RTTN: variants seen among roughly 807,000 people sequenced by gnomAD.
RTTN encodes rotatin.
RTTN carries 182 observed loss-of-function variants against 269.2 expected under a neutral mutation model. The ratio of observed to expected loss-of-function variants is 0.68; its 90% CI spans 0.60 to 0.76. The LOEUF is 0.76. Ranked by LOEUF, RTTN falls within the 30% of genes least tolerant of loss-of-function variation. The probability of loss-of-function intolerance (pLI) is 0.00; values close to 1 mark genes in which losing one functional copy is unlikely to be tolerated. For missense variants in RTTN, 2,545 were observed against 2,608.6 expected, an observed-to-expected ratio of 0.98 and a Z score of 0.53; for synonymous variants, 1,006 against 963.5, an observed-to-expected ratio of 1.04 and a Z score of -0.82.
intron 26 of RTTN, among the ~76,000 whole-genome samples, chr18:70,120,210 C>A (rs2059700570): frequency 1.6e-5 from 1 of 63,556 alleles, no homozygotes; most frequent in East Asian, 1.1e-3. Flanking sequence ...TACCCTGCAT[C>A]ACCTCGGGAC....
At chr18:70,023,019 C>G (rs1302135849) in intron 44 of RTTN, among the ~76,000 whole-genome samples, 2 of 152,136 alleles carry the variant, frequency 1.3e-5, no homozygotes, top group African/African-American at 4.8e-5. Context: ...TGCCTCTGTA[C>G]CAGGGTTGGT....
chr18:70,128,139 G>A, intron 24 of RTTN: 1 of 495,988 alleles, frequency 2.0e-6, no homozygotes. Context: ...ACAGTACAGA[G>A]TAAAATGCTT....
chr18:70,014,658 C>A (rs1346183785), intron 46 of RTTN, among the ~76,000 whole-genome samples: 1 of 152,118 alleles, frequency 6.6e-6, no homozygotes, highest in Non-Finnish European at 1.5e-5. Context: ...CTGTAGTACC[C>A]ATTCTCACAT....
chr18:70,153,590 C>T (rs1463196943), intron 14 of RTTN, among the ~76,000 whole-genome samples: 1 of 152,154 alleles, frequency 6.6e-6, no homozygotes, highest in Non-Finnish European at 1.5e-5. Flanking sequence ...AAAAAGCTAA[C>T]TTGCCTCTTC....
intron 40 of RTTN, among the ~76,000 whole-genome samples, chr18:70,035,128 G>T (rs2057132300): frequency 6.6e-6 from 1 of 152,124 alleles, no homozygotes; most frequent in South Asian, 2.1e-4. Context: ...TTGCTAAAAT[G>T]GCCATACTGC....
At chr18:70,107,572 T>C (rs2059353708) in intron 28 of RTTN, among the ~76,000 whole-genome samples, 1 of 152,156 alleles carries the variant, frequency 6.6e-6, no homozygotes, top group South Asian at 2.1e-4. Flanking sequence ...GGATTAGAGC[T>C]AAAAACACAC....
chr18:70,054,771 A>T (rs1291976448), intron 37 of RTTN, among the ~76,000 whole-genome samples: 1 of 152,178 alleles, frequency 6.6e-6, no homozygotes, highest in East Asian at 1.9e-4. Flanking sequence ...GTGAGCTGTG[A>T]TCACACCACT....
At chr18:70,202,262 C>CA (rs1415073793) in intron 3 of RTTN, among the ~76,000 whole-genome samples, 2 of 152,186 alleles carry the variant, frequency 1.3e-5, no homozygotes, top group East Asian at 3.8e-4. Flanking sequence ...ACAAAGTATT[C>CA]AAGGACTATC....
chr18:70,074,174 T>A (rs2058369670), intron 33 of RTTN, among the ~76,000 whole-genome samples, 180 bp from the exon 34 acceptor site: 1 of 151,998 alleles, frequency 6.6e-6, no homozygotes, highest in Non-Finnish European at 1.5e-5. Flanking sequence ...AGTTTTTTTT[T>A]AATGTGCATA....
chr18:70,040,913 A>G lies in RTTN; in HGVS notation c.5541+7058T>C, dbSNP rs140816052. 4.1e-3 allele frequency among the ~76,000 whole-genome samples: 622 copies of G among 152,284 alleles called. 5 individuals carry two copies. Among genetic ancestry groups the G allele is most frequent in the African/African-American group, 0.014 (589 of 41,556 alleles). On this transcript the variant is annotated intron_variant, in intron 40 of 48. Coordinates refer to ENST00000640769, the MANE Select transcript of RTTN (RefSeq NM_173630.4). ...AAAAAATTAAGAAGAAAATTGAAAA[A>G]TTTCTTGAAACAAATGATAATGGGG...
chr18:70,139,752 A>G (rs773870214), intron 20 of RTTN, 36 bp from the exon 21 acceptor site: 3 of 1,267,208 alleles, frequency 2.4e-6, no homozygotes, highest in East Asian at 4.6e-5. Flanking sequence ...TTTCATTTTC[A>G]CCAATTATCA....
intron 40 of RTTN, among the ~76,000 whole-genome samples, chr18:70,038,777 T>C (rs200171259): frequency 2.4e-4 from 37 of 152,300 alleles, no homozygotes; most frequent in East Asian, 2.3e-3. Flanking sequence ...ATATGTGAAC[T>C]TTCAAACAGA....
At chr18:70,203,975 T>G in intron 3 of RTTN, 111 bp downstream of exon 3, 1 of 794,964 alleles carries the variant, frequency 1.3e-6, no homozygotes, top group Non-Finnish European at 2.0e-6. Context: ...ACAAGAAAAA[T>G]AAGTTTGGGG....
At chr18:70,148,759 T>C in intron 17 of RTTN, 142 bp downstream of exon 17, 1 of 926,546 alleles carries the variant, frequency 1.1e-6, no homozygotes. Context: ...TCTGCTTAGT[T>C]TCACGCATTG....
chr18:70,110,801 G>A (rs967484186), intron 27 of RTTN, among the ~76,000 whole-genome samples: 17 of 152,220 alleles, frequency 1.1e-4, no homozygotes, highest in Non-Finnish European at 4.4e-5. Context: ...AGCAAACTAA[G>A]ATTCACTGGC....
chr18:70,047,131 C>G (rs1164962479), intron 40 of RTTN, among the ~76,000 whole-genome samples: 2 of 152,206 alleles, frequency 1.3e-5, no homozygotes, highest in African/African-American at 4.8e-5. Context: ...GGAATTATAA[C>G]AAACCAGCAC....
At chr18:70,174,660 T>C (rs1008100611) in intron 11 of RTTN, among the ~76,000 whole-genome samples, 4 of 151,540 alleles carry the variant, frequency 2.6e-5, no homozygotes, top group Middle Eastern at 6.8e-3. Flanking sequence ...CCCATTAAAA[T>C]TTATGAAGTG....
chr18:70,066,434 A>G (rs966085779), intron 34 of RTTN, among the ~76,000 whole-genome samples: 1 of 152,190 alleles, frequency 6.6e-6, no homozygotes, highest in South Asian at 2.1e-4. Context: ...TTGCTTCAGA[A>G]TACAACATTA....
chr18:70,032,285 T>G (rs2057037917), intron 40 of RTTN, among the ~76,000 whole-genome samples: 1 of 152,050 alleles, frequency 6.6e-6, no homozygotes, highest in African/African-American at 2.4e-5. Context: ...CTGCTTGGAG[T>G]GAAGCTCCCA....
Sources: gnomAD v4.1 joint callset for allele counts (sites outside exome capture counted in the v4.1 genomes callset) on GRCh38, gnomAD v4.1.1 for gene constraint, MANE v1.5 for transcripts, NCBI Gene and HGNC (gene_info 2026-07-23, HGNC 2026-07-21) for gene names.